Variants in DPP10 observed in about 807,000 individuals in gnomAD.
DPP10 encodes the protein dipeptidyl peptidase like 10, also known as inactive dipeptidyl peptidase 10.
A neutral mutation model predicts 120.9 loss-of-function variants in DPP10; 33 were observed. That is an observed-to-expected ratio of 0.27 (90% CI 0.21 to 0.37). DPP10 has a LOEUF of 0.37. DPP10 is among the 10% of genes least tolerant of loss of function. The probability of loss-of-function intolerance (pLI) is 1.00; values close to 1 mark genes in which losing one functional copy is unlikely to be tolerated. For synonymous variants in DPP10, 337 were observed against 326.1 expected (o/e 1.03, Z -0.36); for missense variants, 816 against 942.8 (o/e 0.87, Z 1.76).
At chr2:115,256,883 A>G (rs1340170060) in intron 1 of DPP10, among the ~76,000 whole-genome samples, 6 of 152,218 alleles carry the variant, frequency 3.9e-5, no homozygotes, top group Non-Finnish European at 8.8e-5. Flanking sequence ...GCCAGGCCAC[A>G]TCTTGTACAC....
chr2:115,152,624 C>T (rs932087451), intron 1 of DPP10, among the ~76,000 whole-genome samples: 18 of 152,096 alleles, frequency 1.2e-4, no homozygotes, highest in African/African-American at 4.1e-4. Context: ...ACAGGTTTGT[C>T]TGGATTTTCT....
At chr2:115,474,294 A>G (rs899863661) in intron 3 of DPP10, among the ~76,000 whole-genome samples, 1 of 152,212 alleles carries the variant, frequency 6.6e-6, no homozygotes, top group Non-Finnish European at 1.5e-5. Context: ...CATTCATATG[A>G]TAAGAGAAGA....
chr2:115,044,534 AAAG>A (rs1704915803), intron 1 of DPP10, among the ~76,000 whole-genome samples: 1 of 152,050 alleles, frequency 6.6e-6, no homozygotes, highest in Non-Finnish European at 1.5e-5. Flanking sequence ...TATCATGAGA[AAAG>A]CACTGGAAGG....
chr2:115,663,231 A>T (rs765385614), intron 5 of DPP10, among the ~76,000 whole-genome samples: 1 of 152,146 alleles, frequency 6.6e-6, no homozygotes, highest in East Asian at 1.9e-4. Context: ...AGTATTTTTT[A>T]AAATTCTTGA....
chr2:114,746,607 G>C (rs1281772666), intron 1 of DPP10, among the ~76,000 whole-genome samples: 1 of 152,190 alleles, frequency 6.6e-6, no homozygotes, highest in African/African-American at 2.4e-5. Flanking sequence ...TAGGGTGATT[G>C]CAGGGATGGA....
chr2:114,992,703 AG>A (rs909623447), intron 1 of DPP10, among the ~76,000 whole-genome samples: 1 of 152,224 alleles, frequency 6.6e-6, no homozygotes, highest in Non-Finnish European at 1.5e-5. Flanking sequence ...AGACATTTAA[AG>A]GAGAATAAAC....
chr2:115,460,350 T>C (rs978416980), intron 3 of DPP10, among the ~76,000 whole-genome samples: 4 of 152,166 alleles, frequency 2.6e-5, no homozygotes, highest in African/African-American at 9.6e-5. Context: ...CATAATGAAA[T>C]ACCAGGAGTT....
intron 3 of DPP10, among the ~76,000 whole-genome samples, chr2:115,384,125 C>T (rs576090182): frequency 7.6e-4 from 116 of 152,256 alleles, no homozygotes; most frequent in African/African-American, 2.6e-3. Context: ...ATCTTTCTCC[C>T]ATCTCCTGCT....
chr2:115,149,060 C>A (rs1386267198), intron 1 of DPP10, among the ~76,000 whole-genome samples: 1 of 152,100 alleles, frequency 6.6e-6, no homozygotes, highest in Non-Finnish European at 1.5e-5. Flanking sequence ...GTGGATTTTA[C>A]CCCAGGGTGG....
rs11444035 is a variant in DPP10, at chr2:115,516,580, T to TG, written c.367-9318_367-9317insG. On this transcript the variant is annotated intron_variant, in intron 4 of 25. Coordinates refer to ENST00000410059, the MANE Select transcript of DPP10 (RefSeq NM_020868.6). ...CTGAGCCTTGTTATTCTTTGTTTTT[T>TG]TTTTTTTTTTCCAAGTGAATTGCAC... Among the ~76,000 whole-genome samples the TG allele has an allele frequency of 4.1e-3, 616 of 150,630 alleles. 21 individuals carry two copies. The East Asian group carries it at 0.08, about 20-fold the overall frequency.
chr2:115,428,320 C>G (rs2070666833), intron 3 of DPP10, among the ~76,000 whole-genome samples: 1 of 152,158 alleles, frequency 6.6e-6, no homozygotes, highest in South Asian at 2.1e-4. Flanking sequence ...ATGCCCTATG[C>G]CTTGGTACCA....
chr2:115,313,345 A>G (rs2061660542), intron 2 of DPP10, among the ~76,000 whole-genome samples: 1 of 152,196 alleles, frequency 6.6e-6, no homozygotes, highest in African/African-American at 2.4e-5. Flanking sequence ...TTGGTTTGCT[A>G]AAATGTGAGG....
At chr2:114,453,619 A>G (rs965586021) in intron 1 of DPP10, among the ~76,000 whole-genome samples, 2 of 152,162 alleles carry the variant, frequency 1.3e-5, no homozygotes, top group Admixed American at 1.3e-4. Flanking sequence ...CATGGTTAAC[A>G]GGAGTAACAT....
At chr2:114,495,279 C>G (rs565180054) in intron 1 of DPP10, among the ~76,000 whole-genome samples, 1 of 152,130 alleles carries the variant, frequency 6.6e-6, no homozygotes, top group Non-Finnish European at 1.5e-5. Flanking sequence ...GCTTCAAAGT[C>G]CATTAATTCA....
At chr2:115,437,229 C>A (rs1424233580) in intron 3 of DPP10, among the ~76,000 whole-genome samples, 1 of 152,016 alleles carries the variant, frequency 6.6e-6, no homozygotes, top group Non-Finnish European at 1.5e-5. Context: ...GAGATTTCTA[C>A]TGAATTAACT....
intron 5 of DPP10, among the ~76,000 whole-genome samples, chr2:115,549,224 T>G (rs1291227644): frequency 1.3e-5 from 2 of 152,166 alleles, no homozygotes; most frequent in Non-Finnish European, 2.9e-5. Flanking sequence ...CTAGTTACCC[T>G]GATATCAAAG....
At chr2:115,305,934 G>C (rs2061341689) in intron 1 of DPP10, among the ~76,000 whole-genome samples, 2 of 151,960 alleles carry the variant, frequency 1.3e-5, no homozygotes, top group Non-Finnish European at 2.9e-5. Flanking sequence ...TGAATGATGA[G>C]AAAGAGTACA....
At chr2:115,217,966 G>A (rs144333656) in intron 1 of DPP10, among the ~76,000 whole-genome samples, 85 of 152,200 alleles carry the variant, frequency 5.6e-4, no homozygotes, top group African/African-American at 1.7e-3. Flanking sequence ...CATATGTTAT[G>A]TGACCTTTCC....
intron 1 of DPP10, among the ~76,000 whole-genome samples, chr2:114,830,891 G>A (rs933583097): frequency 1.1e-4 from 17 of 151,146 alleles, no homozygotes; most frequent in African/African-American, 3.9e-4. Flanking sequence ...TTTATCATTA[G>A]TTAACATTAA....
Sources: allele counts gnomAD v4.1 joint callset (sites outside exome capture counted in the v4.1 genomes callset), GRCh38; gene constraint gnomAD v4.1.1; transcripts MANE v1.5; gene names NCBI Gene and HGNC (gene_info 2026-07-23, HGNC 2026-07-21).